The following TRDN variants were observed in gnomAD, a reference collection of about 807,000 sequenced individuals.
The protein encoded by TRDN is triadin.
In TRDN, 161 loss-of-function variants were observed where a neutral mutation model predicts 149.7. That is an observed-to-expected ratio of 1.08 (90% CI 0.95 to 1.23). The LOEUF is 1.23. TRDN is among the 50% of genes most tolerant of loss of function. The pLI is 0.00. For missense variants in TRDN, 896 were observed against 823.5 expected, an observed-to-expected ratio of 1.09 and a Z score of -1.08; for synonymous variants, 294 against 250.5, an observed-to-expected ratio of 1.17 and a Z score of -1.64.
intron 1 of TRDN, among the ~76,000 whole-genome samples, chr6:123,584,794 A>T (rs1421885603): frequency 6.6e-6 from 1 of 152,244 alleles, no homozygotes; most frequent in Admixed American, 6.5e-5. Flanking sequence ...AGAACAGAAT[A>T]ATGGATTGTG....
intron 38 of TRDN, among the ~76,000 whole-genome samples, chr6:123,240,191 C>G (rs1248864926): frequency 6.6e-6 from 1 of 151,698 alleles, no homozygotes; most frequent in African/African-American, 2.4e-5. Flanking sequence ...TTTGTATTAT[C>G]CAGTTTTCAA....
intron 1 of TRDN, among the ~76,000 whole-genome samples, chr6:123,628,017 A>G (rs1785769033): frequency 6.6e-6 from 1 of 152,194 alleles, no homozygotes. Flanking sequence ...TATCCAGACC[A>G]CTAAAACTTT....
At chr6:123,348,405 C>A (rs1172598861) in intron 21 of TRDN, among the ~76,000 whole-genome samples, 1 of 152,044 alleles carries the variant, frequency 6.6e-6, no homozygotes, top group East Asian at 1.9e-4. Flanking sequence ...CAGATTATTT[C>A]TGTGATTTAA....
intron 9 of TRDN, among the ~76,000 whole-genome samples, chr6:123,474,468 T>A (rs62420483): frequency 1.3e-5 from 2 of 151,670 alleles, no homozygotes; most frequent in Admixed American, 6.6e-5. Context: ...CTCCCACACA[T>A]TAATAATGGG....
intron 2 of TRDN, among the ~76,000 whole-genome samples, chr6:123,560,501 G>A (rs1400809535): frequency 6.6e-6 from 1 of 152,008 alleles, no homozygotes; most frequent in Non-Finnish European, 1.5e-5. Context: ...CACTGCAAAG[G>A]CCATCAAAAG....
chr6:123,517,843 C>T (rs554687838), intron 5 of TRDN, among the ~76,000 whole-genome samples: 1 of 152,152 alleles, frequency 6.6e-6, no homozygotes, highest in African/African-American at 2.4e-5. Flanking sequence ...ACCAATTGCA[C>T]CATGTACATA....
chr6:123,611,937 C>T (rs1363315738), intron 1 of TRDN, among the ~76,000 whole-genome samples: 1 of 151,988 alleles, frequency 6.6e-6, no homozygotes, highest in African/African-American at 2.4e-5. Flanking sequence ...GTTAATATGA[C>T]TAAAAGTCTG....
At chr6:123,625,472 G>T (rs1456453126) in intron 1 of TRDN, among the ~76,000 whole-genome samples, 1 of 152,126 alleles carries the variant, frequency 6.6e-6, no homozygotes, top group Non-Finnish European at 1.5e-5. Context: ...AAAATACTTT[G>T]TTGGTGGGGA....
In TRDN at chr6:123,607,593, G is replaced by A. The variant is rs539996908; in HGVS notation, c.22+29161C>T. Reference sequence around the variant, plus strand: ...GGCTTGTGTTTGAATTTACAAACATGTCATTTGTGTTGCTGCAGCAAGATT... The same window carrying A: ...GGCTTGTGTTTGAATTTACAAACATATCATTTGTGTTGCTGCAGCAAGATT... On this transcript the variant is annotated intron_variant, in intron 1 of 40. Transcript: ENST00000334268. Among the ~76,000 whole-genome samples the A allele has an allele frequency of 1.2e-4, 19 of 152,246 alleles. No homozygotes were observed. In the East Asian group the frequency reaches 3.7e-3, roughly 29 times the overall value.
rs1774988995 is a variant in TRDN at position 123,216,938 on chromosome 6, A to T, written c.*1663T>A. 1 of 152,028 alleles carries T rather than the reference A, an allele frequency of 6.6e-6. No homozygotes were observed. Among genetic ancestry groups the T allele is most frequent in the African/African-American group, 2.4e-5 (1 of 41,420 alleles). 9.4% of individuals were successfully genotyped at this position (152,028 alleles called of 1,614,324 possible). A position where few individuals can be genotyped will look rare whatever the true frequency, so the allele number is the denominator to read the frequency against. On this transcript the variant is annotated 3_prime_UTR_variant, in exon 41 of 41. Transcript: ENST00000334268. ...TATCATATTTGCTATTTCTTTACTC[A>T]GTAAATTCAGCAGGCTGGAGGAGCA...
intron 29 of TRDN, among the ~76,000 whole-genome samples, chr6:123,271,819 C>G (rs1353284680): frequency 6.6e-6 from 1 of 151,984 alleles, no homozygotes; most frequent in Non-Finnish European, 1.5e-5. Context: ...CACTGGATAA[C>G]AGAGAATTTA....
At chr6:123,495,494 G>A (rs1228888250) in intron 9 of TRDN, among the ~76,000 whole-genome samples, 1 of 150,774 alleles carries the variant, frequency 6.6e-6, no homozygotes, top group African/African-American at 2.4e-5. Flanking sequence ...ACTCCAGCCT[G>A]AGTGACGAGA....
chr6:123,529,280 G>A (rs768761642), intron 5 of TRDN: 1 of 1,548,936 alleles, frequency 6.5e-7, no homozygotes, highest in South Asian at 1.2e-5. Context: ...GTACTCAAGA[G>A]CTGTGTCCAA....
At chr6:123,296,327 G>C (rs1393116686) in intron 24 of TRDN, among the ~76,000 whole-genome samples, 6 of 152,076 alleles carry the variant, frequency 3.9e-5, no homozygotes, top group Non-Finnish European at 7.4e-5. Context: ...CCATCCGACA[G>C]GCATTTTACC....
At chr6:123,614,743 CA>C (rs1464200204) in intron 1 of TRDN, among the ~76,000 whole-genome samples, 3 of 151,848 alleles carry the variant, frequency 2.0e-5, no homozygotes, top group Non-Finnish European at 4.4e-5. Context: ...TCTGGGAAAA[CA>C]TTTTATGGAA....
intron 33 of TRDN, among the ~76,000 whole-genome samples, chr6:123,262,370 T>C (rs1276794449): frequency 6.6e-6 from 1 of 151,810 alleles, no homozygotes; most frequent in Non-Finnish European, 1.5e-5. Context: ...TGTCTTTTGT[T>C]TTTGTTTTGT....
At chr6:123,451,721 T>A (rs763234376) in intron 10 of TRDN, among the ~76,000 whole-genome samples, 1 of 151,968 alleles carries the variant, frequency 6.6e-6, no homozygotes, top group Admixed American at 6.6e-5. Flanking sequence ...GATAGAGAAA[T>A]AAGGAATTCT....
intron 24 of TRDN, among the ~76,000 whole-genome samples, chr6:123,287,342 C>A (rs1246295443): frequency 6.6e-6 from 1 of 151,986 alleles, no homozygotes; most frequent in East Asian, 1.9e-4. Context: ...AATAGTAAGC[C>A]CAAGAGTAGA....
chr6:123,456,169 C>T (rs1776106969), intron 10 of TRDN, among the ~76,000 whole-genome samples: 1 of 152,092 alleles, frequency 6.6e-6, no homozygotes, highest in African/African-American at 2.4e-5. Context: ...GTATATGGGA[C>T]ACATGTGTAA....
Sources: allele counts gnomAD v4.1 joint callset (sites outside exome capture counted in the v4.1 genomes callset), GRCh38; gene constraint gnomAD v4.1.1; transcripts MANE v1.5; gene names NCBI Gene and HGNC (gene_info 2026-07-23, HGNC 2026-07-21).